The following HSD17B12 variants were observed in gnomAD, a reference collection of about 807,000 sequenced individuals.
HSD17B12 encodes very-long-chain 3-oxoacyl-CoA reductase.
In HSD17B12, 32 loss-of-function variants were observed where a neutral mutation model predicts 39.3. The observed-to-expected ratio is 0.81, with a 90% CI of 0.61 to 1.09. The LOEUF (loss-of-function observed/expected upper bound fraction) is 1.09. Among genes scored for constraint, HSD17B12 ranks in the 50% least tolerant of loss-of-function variants. The pLI is 0.00. For synonymous variants in HSD17B12, 150 were observed against 146.7 expected, an observed-to-expected ratio of 1.02 and a Z score of -0.16; for missense variants, 342 against 382.9, an observed-to-expected ratio of 0.89 and a Z score of 0.89.
chr11:43,636,612 T>TA, the HSD17B12 span, among the ~76,000 whole-genome samples: 1 of 152,038 alleles, frequency 6.6e-6, no homozygotes, highest in Non-Finnish European at 1.5e-5. Flanking sequence ...GCTAGCTGAC[T>TA]ACTGACCTCA....
At chr11:43,793,654 G>C (rs547417083) in intron 3 of HSD17B12, among the ~76,000 whole-genome samples, 6 of 152,188 alleles carry the variant, frequency 3.9e-5, no homozygotes, top group Non-Finnish European at 8.8e-5. Flanking sequence ...ACCTAAAAAT[G>C]TGTGAGTTTT....
Position 43,749,068 on chromosome 11 carries a change from A to C in HSD17B12, c.161-1843A>C, listed in dbSNP as rs145825967. Reference sequence around the variant, plus strand: ...ACCAGACATATGCTTCCTGATGTAAAAATGCATTATCCCTTATGAAGTACT... The same window carrying C: ...ACCAGACATATGCTTCCTGATGTAACAATGCATTATCCCTTATGAAGTACT... On this transcript the variant is annotated intron_variant, in intron 1 of 10. Coordinates refer to ENST00000278353, the MANE Select transcript of HSD17B12 (RefSeq NM_016142.3). 4.0e-3 allele frequency among the ~76,000 whole-genome samples: 610 copies of C among 152,306 alleles called. 8 individuals carry two copies. Among genetic ancestry groups the C allele is most frequent in the African/African-American group, 0.014 (588 of 41,568 alleles).
At chr11:43,792,151 G>A (rs1204483253) in intron 3 of HSD17B12, among the ~76,000 whole-genome samples, 1 of 152,174 alleles carries the variant, frequency 6.6e-6, no homozygotes, top group African/African-American at 2.4e-5. Context: ...AGGGATGTAA[G>A]GATACGGTAA....
intron 9 of HSD17B12, among the ~76,000 whole-genome samples, chr11:43,847,732 A>G (rs887559389): frequency 6.6e-5 from 10 of 151,284 alleles, no homozygotes; most frequent in Non-Finnish European, 4.4e-5. Flanking sequence ...AAAAAAAAAA[A>G]AGAGAAATCC....
the HSD17B12 span, among the ~76,000 whole-genome samples, chr11:43,634,802 T>A: frequency 2.0e-5 from 3 of 152,198 alleles, no homozygotes; most frequent in Non-Finnish European, 4.4e-5. Flanking sequence ...ACAGAATTGG[T>A]TGGAATTAGC....
the HSD17B12 span, among the ~76,000 whole-genome samples, chr11:43,642,407 TTAATA>T: frequency 9.2e-5 from 14 of 151,676 alleles, no homozygotes; most frequent in African/African-American, 3.1e-4. Context: ...GTAAAGCCCT[TTAATA>T]TATCAGTTTT....
At chr11:43,812,674 C>T (rs930225175) in intron 4 of HSD17B12, among the ~76,000 whole-genome samples, 2 of 152,158 alleles carry the variant, frequency 1.3e-5, no homozygotes, top group African/African-American at 4.8e-5. Flanking sequence ...CAGGTAGTCT[C>T]TTCACTCTGT....
At chr11:43,770,261 G>A (rs1469363785) in intron 3 of HSD17B12, among the ~76,000 whole-genome samples, 1 of 152,146 alleles carries the variant, frequency 6.6e-6, no homozygotes, top group South Asian at 2.1e-4. Flanking sequence ...AAAATTTACA[G>A]GATCTGTTAA....
chr11:43,647,608 A>T, the HSD17B12 span, among the ~76,000 whole-genome samples: 1 of 152,140 alleles, frequency 6.6e-6, no homozygotes, highest in African/African-American at 2.4e-5. Context: ...TGCATTTGTG[A>T]ACATTTGTAA....
At chr11:43,707,584 G>C (rs2134826771) in intron 1 of HSD17B12, among the ~76,000 whole-genome samples, 1 of 152,310 alleles carries the variant, frequency 6.6e-6, no homozygotes, top group Admixed American at 6.5e-5. Flanking sequence ...TATCAGTTGT[G>C]TTACCAGGCA....
At chr11:43,682,159 G>A in intron 1 of HSD17B12, among the ~76,000 whole-genome samples, 1 of 152,316 alleles carries the variant, frequency 6.6e-6, no homozygotes, top group Middle Eastern at 3.4e-3. Context: ...TTAACATTAA[G>A]AGAAAACATC....
chr11:43,848,468 G>A (rs550547260), intron 9 of HSD17B12: 18 of 152,224 alleles, frequency 1.2e-4, no homozygotes, highest in Middle Eastern at 3.4e-3. Flanking sequence ...ATTCTTATGC[G>A]TCTTATTGGA....
chr11:43,652,321 C>A, the HSD17B12 span, among the ~76,000 whole-genome samples: 2 of 152,136 alleles, frequency 1.3e-5, no homozygotes, highest in African/African-American at 4.8e-5. Context: ...GAAAAAGGAA[C>A]TTTTTCCTCT....
At chr11:43,574,747 A>T in the HSD17B12 span, among the ~76,000 whole-genome samples, 2 of 152,160 alleles carry the variant, frequency 1.3e-5, no homozygotes, top group East Asian at 3.8e-4. Flanking sequence ...TTTTTCAGGG[A>T]CATTATTTTA....
At chr11:43,610,769 T>A in the HSD17B12 span, among the ~76,000 whole-genome samples, 2 of 152,302 alleles carry the variant, frequency 1.3e-5, no homozygotes, top group Admixed American at 6.5e-5. Context: ...ATGGCATTTT[T>A]AAAAAATCAT....
At chr11:43,750,828 T>C (rs1055022124) in intron 1 of HSD17B12, 83 bp from the exon 2 acceptor site, 4 of 877,608 alleles carry the variant, frequency 4.6e-6, no homozygotes, top group Admixed American at 2.3e-5. Flanking sequence ...CTGGTCCTTT[T>C]GTATGTAATT....
chr11:43,691,028 A>G (rs547051918), intron 1 of HSD17B12, among the ~76,000 whole-genome samples: 1 of 152,330 alleles, frequency 6.6e-6, no homozygotes, highest in South Asian at 2.1e-4. Context: ...ATTCCCTTCT[A>G]GATGATTATC....
chr11:43,611,957 ATAG>A, the HSD17B12 span, among the ~76,000 whole-genome samples: 2 of 152,308 alleles, frequency 1.3e-5, no homozygotes, highest in Admixed American at 6.5e-5. Flanking sequence ...GCTTGGACTT[ATAG>A]TAGGTTCTCA....
the HSD17B12 span, among the ~76,000 whole-genome samples, chr11:43,597,686 C>G: frequency 6.6e-6 from 1 of 152,140 alleles, no homozygotes; most frequent in Non-Finnish European, 1.5e-5. Flanking sequence ...CGCTCTGTCA[C>G]CCGGGCTGTA....
Sources: gnomAD v4.1 joint callset for allele counts (sites outside exome capture counted in the v4.1 genomes callset) on GRCh38, gnomAD v4.1.1 for gene constraint, MANE v1.5 for transcripts, NCBI Gene and HGNC (gene_info 2026-07-23, HGNC 2026-07-21) for gene names.